Variants in NIBAN2 observed in about 807,000 individuals in gnomAD.
The protein encoded by NIBAN2 is protein Niban 2.
Under a neutral mutation model 81.8 loss-of-function variants are expected in NIBAN2, and 36 were observed. That is an observed-to-expected ratio of 0.44 (90% CI 0.34 to 0.58). The LOEUF (loss-of-function observed/expected upper bound fraction) is 0.58. Among genes scored for constraint, NIBAN2 ranks in the 20% least tolerant of loss-of-function variants. The probability of loss-of-function intolerance (pLI) is 0.02; values close to 1 mark genes in which losing one functional copy is unlikely to be tolerated. For missense variants in NIBAN2, 897 were observed against 1,014.1 expected, an observed-to-expected ratio of 0.88 and a Z score of 1.57; for synonymous variants, 445 against 441.6, an observed-to-expected ratio of 1.01 and a Z score of -0.10.
intron 1 of NIBAN2, among the ~76,000 whole-genome samples, chr9:127,549,436 C>T (rs1317487110): frequency 6.6e-6 from 1 of 152,180 alleles, no homozygotes; most frequent in East Asian, 1.9e-4. Context: ...CTCACATGTG[C>T]AGGCACACAC....
chr9:127,534,479 A>G (rs1256844850), intron 1 of NIBAN2, among the ~76,000 whole-genome samples: 2 of 152,174 alleles, frequency 1.3e-5, no homozygotes, highest in African/African-American at 4.8e-5. Flanking sequence ...GGTCCCCACC[A>G]GGAGGTGGTG....
chr9:127,558,350 G>T (rs567441252), intron 1 of NIBAN2, among the ~76,000 whole-genome samples: 37 of 152,286 alleles, frequency 2.4e-4, no homozygotes, highest in Admixed American at 2.1e-3. Flanking sequence ...GTGGGAGTAC[G>T]AAGTCGGAGA....
chr9:127,532,636 T>C (rs1837205351), intron 1 of NIBAN2, among the ~76,000 whole-genome samples: 1 of 151,670 alleles, frequency 6.6e-6, no homozygotes, highest in South Asian at 2.1e-4. Context: ...TGGAGGGACC[T>C]ATCCGGATAG....
intron 1 of NIBAN2, among the ~76,000 whole-genome samples, chr9:127,568,545 G>A (rs1389521087): frequency 6.6e-6 from 1 of 152,156 alleles, no homozygotes; most frequent in Non-Finnish European, 1.5e-5. Context: ...GTGGGCTGGG[G>A]GTCCGCCAAG....
intron 3 of NIBAN2, among the ~76,000 whole-genome samples, chr9:127,525,445 C>T (rs183718268): frequency 4.6e-5 from 7 of 152,288 alleles, no homozygotes; most frequent in African/African-American, 1.7e-4. Context: ...TAAACTTCAG[C>T]TTCTTCATCT....
chr9:127,512,680 C>T (rs916195321), intron 8 of NIBAN2, among the ~76,000 whole-genome samples: 6 of 152,176 alleles, frequency 3.9e-5, no homozygotes, highest in African/African-American at 1.2e-4. Flanking sequence ...TCAGTTCCTC[C>T]TGAGGCTGTG....
At chr9:127,513,617 G>T (rs2132159370) in intron 8 of NIBAN2, among the ~76,000 whole-genome samples, 2 of 150,320 alleles carry the variant, frequency 1.3e-5, no homozygotes, top group Admixed American at 1.3e-4. Context: ...CACCATGACA[G>T]GTTACAGATG....
In NIBAN2 at chr9:127,526,823, G is replaced by T. The variant is rs527731858; in HGVS notation, c.315+371C>A. Among the ~76,000 whole-genome samples the T allele has an allele frequency of 1.3e-3, 203 of 152,300 alleles. 2 individuals are homozygous for T. Among genetic ancestry groups the T allele is most frequent in the Middle Eastern group, 6.8e-3 (2 of 294 alleles). On this transcript the variant is annotated intron_variant, in intron 3 of 13. Transcript: ENST00000373312. ...CCTCCAACAGCTCTCTGTGGCTGTC[G>T]AGGGTGGGAGGGGTCGGAGGAGAGG...
At chr9:127,526,777 G>A (rs1268804191) in intron 3 of NIBAN2, among the ~76,000 whole-genome samples, 4 of 152,140 alleles carry the variant, frequency 2.6e-5, no homozygotes, top group Admixed American at 6.5e-5. Flanking sequence ...GCAAGCCACC[G>A]CAAGGAATGG....
At chr9:127,575,635 T>C (rs1838000348) in intron 1 of NIBAN2, among the ~76,000 whole-genome samples, 1 of 150,834 alleles carries the variant, frequency 6.6e-6, no homozygotes, top group South Asian at 2.1e-4. Flanking sequence ...GCTCAAGCGA[T>C]TCTCCTGCCT....
chr9:127,578,179 A>T (rs1233285558), intron 1 of NIBAN2, among the ~76,000 whole-genome samples: 2 of 148,402 alleles, frequency 1.3e-5, no homozygotes, highest in Admixed American at 1.4e-4. Context: ...AGACAGAGCA[A>T]GACTCCATCT....
upstream of NIBAN2, among the ~76,000 whole-genome samples, chr9:127,572,824 T>G (rs575607358): frequency 5.0e-4 from 76 of 152,218 alleles, no homozygotes; most frequent in South Asian, 5.2e-3. Context: ...GCAAGAGGAT[T>G]GCTTGAGGCC....
intron 1 of NIBAN2, among the ~76,000 whole-genome samples, chr9:127,562,670 G>C (rs1432685981): frequency 6.6e-6 from 1 of 152,230 alleles, no homozygotes; most frequent in Non-Finnish European, 1.5e-5. Context: ...GGCGGAAGCA[G>C]AGCACGGGAA....
rs1836616260 is a variant in NIBAN2, at chr9:127,507,085, T to TG, written c.2000dup (p.Pro668ThrfsTer18). ...CCCCGTTGAGCAGGGGGCCGGCTGG[T>TG]GGGGGGCTCTCAGGCCGCAGACCTT... On this transcript the variant is annotated frameshift_variant, in exon 14 of 14. Coordinates refer to ENST00000373312, the MANE Select transcript of NIBAN2 (RefSeq NM_022833.4). LOFTEE classifies it high-confidence loss of function. The surrounding 1 kb of genome is among the most constrained non-coding windows in gnomAD (Gnocchi z 6.8). 6.3e-7 allele frequency: 1 copy of TG among 1,575,754 alleles called. No homozygotes were observed. The highest frequency in any genetic ancestry group is 8.6e-7 in the Non-Finnish European group (1 of 1,161,258).
At chr9:127,534,299 AC>A (rs1837235434) in intron 1 of NIBAN2, among the ~76,000 whole-genome samples, 3 of 152,172 alleles carry the variant, frequency 2.0e-5, no homozygotes, top group Non-Finnish European at 2.9e-5. Context: ...GTCTCCAGGT[AC>A]CGAGGGCACC....
chr9:127,527,138 G>A, intron 3 of NIBAN2, 56 bp downstream of exon 3: 1 of 1,598,192 alleles, frequency 6.3e-7, no homozygotes, highest in Non-Finnish European at 8.5e-7. Flanking sequence ...TTGGGGGAGG[G>A]GGCACACATG....
At chr9:127,534,104 A>C (rs1470370991) in intron 1 of NIBAN2, among the ~76,000 whole-genome samples, 1 of 152,190 alleles carries the variant, frequency 6.6e-6, no homozygotes, top group Non-Finnish European at 1.5e-5. Flanking sequence ...TCGCGTCCCA[A>C]CTGGGATTTG....
intron 8 of NIBAN2, among the ~76,000 whole-genome samples, chr9:127,512,123 G>A (rs1276319870): frequency 6.6e-6 from 1 of 152,142 alleles, no homozygotes; most frequent in Non-Finnish European, 1.5e-5. Flanking sequence ...TGAGATTAAT[G>A]CATATCTGCT....
At chr9:127,577,200 C>T (rs1339636368) in intron 1 of NIBAN2, among the ~76,000 whole-genome samples, 4 of 151,782 alleles carry the variant, frequency 2.6e-5, no homozygotes, top group East Asian at 2.0e-4. Context: ...CCCAGCTACT[C>T]GGGAGGCTGA....
Sources: gnomAD v4.1 joint callset for allele counts (sites outside exome capture counted in the v4.1 genomes callset) on GRCh38, gnomAD v4.1.1 for gene constraint, Gnocchi (gnomAD v3.1) non-coding constraint, MANE v1.5 for transcripts, NCBI Gene and HGNC (gene_info 2026-07-23, HGNC 2026-07-21) for gene names.